The following KLLN variants were observed in gnomAD, a reference collection of about 807,000 sequenced individuals.
KLLN encodes the protein killin.
For missense variants in KLLN, 340 were observed against 241.3 expected, an observed-to-expected ratio of 1.41 and a Z score of -2.71; for synonymous variants, 142 against 102.2, an observed-to-expected ratio of 1.39 and a Z score of -2.35.
chr10:87,862,185 C>T lies in KLLN; in HGVS notation c.303G>A (p.Gln101=), dbSNP rs940596824. ...FARGALAWCR[Q]RNPNPSCAAA... ...CGGCGCAGGAAGGGTTGGGGTTCCGCTGCCTGCACCAGGCAAGAGCACCCC... is the reference window on the plus strand; with the variant it reads ...CGGCGCAGGAAGGGTTGGGGTTCCGTTGCCTGCACCAGGCAAGAGCACCCC... Residue 101 remains glutamine (Q), a synonymous_variant, in exon 1 of 1, where the codon CAG becomes CAA. Transcript: ENST00000445946. 1.3e-6 allele frequency: 2 copies of T among 1,551,228 alleles called. No individual in the cohort carries two copies. The highest frequency in any genetic ancestry group is 1.4e-5 in the African/African-American group (1 of 72,812).
In KLLN at chr10:87,863,518, C is replaced by T. The variant is rs1858333383; in HGVS notation, c.-1031G>A. 5.2e-6 allele frequency: 2 copies of T among 385,234 alleles called. No individual in the cohort carries two copies. Among genetic ancestry groups the T allele is most frequent in the Non-Finnish European group, 9.2e-6 (2 of 217,138 alleles). The allele number at this position is 385,234 out of a possible 1,614,324, so 23.9% of individuals were successfully genotyped here. A position where few individuals can be genotyped will look rare whatever the true frequency, so the allele number is the denominator to read the frequency against. ...CGGTCTTCCGAGGCGCCCGGGCTCC[C>T]GGCGCGGCGGCGGAGGGGGCGGGCA... On this transcript the variant is annotated 5_prime_UTR_variant, in exon 1 of 1. Coordinates refer to ENST00000445946, the MANE Select transcript of KLLN (RefSeq NM_001126049.2).
chr10:87,860,015 C>CAAAAAAAAAAAAAAAAAAAAAAAAAAAA lies in KLLN; in HGVS notation c.*1935_*1936insTTTTTTTTTTTTTTTTTTTTTTTTTTTT, dbSNP rs5786795. On this transcript the variant is annotated 3_prime_UTR_variant, in exon 1 of 1. Transcript: ENST00000445946. ...CACTCCAGCCTGTGAGACTCCGTCT[C>CAAAAAAAAAAAAAAAAAAAAAAAAAAAA]AAAAAAAAAAAAAAAAAAAGAAAAA... is the stretch of plus-strand genomic sequence containing the variant. 2.9e-5 allele frequency: 1 copy of CAAAAAAAAAAAAAAAAAAAAAAAAAAAA among 34,324 alleles called. No homozygotes were observed. Among genetic ancestry groups the CAAAAAAAAAAAAAAAAAAAAAAAAAAAA allele is most frequent in the Non-Finnish European group, 6.6e-5 (1 of 15,186 alleles). 2.1% of individuals were successfully genotyped at this position (34,324 alleles called of 1,614,324 possible). A position where few individuals can be genotyped will look rare whatever the true frequency, so the allele number is the denominator to read the frequency against.
Position 87,862,139 on chromosome 10 carries a change from T to G in KLLN, c.349A>C (p.Thr117Pro). 1.3e-6 allele frequency: 2 copies of G among 1,550,342 alleles called. No individual in the cohort carries two copies. Among genetic ancestry groups the G allele is most frequent in the Non-Finnish European group, 1.7e-6 (2 of 1,146,162 alleles). The change falls in exon 1 of 1, where the codon ACC (threonine) becomes CCC (proline). Residue 117 changes from threonine to proline, a missense_variant. Physicochemically the swap from Thr to Pro is conservative, Grantham distance 38. Coordinates refer to ENST00000445946, the MANE Select transcript of KLLN (RefSeq NM_001126049.2). ...CGACAGCGCTCCTTCGGGAGGCTGG[T>G]CCGAGCCCCTGTTTCCGCCGCGGCG... ...SCAAAETGAR[T>P]SLPKERCRGW...
In KLLN at chr10:87,863,332, G is replaced by A. The variant is rs587782068; in HGVS notation, c.-845C>T. 6 of 295,130 alleles carry A rather than the reference G, an allele frequency of 2.0e-5. No homozygotes were observed. The highest frequency in any genetic ancestry group is 3.3e-5 in the Non-Finnish European group (5 of 150,734). The allele number at this position is 295,130 out of a possible 1,614,324, so 18.3% of individuals were successfully genotyped here. On this transcript the variant is annotated 5_prime_UTR_variant, in exon 1 of 1. Coordinates refer to ENST00000445946, the MANE Select transcript of KLLN (RefSeq NM_001126049.2). ...TGGGAACCGGCCCGAGCAAGCCCCA[G>A]GCAGCTACACTGGGCATGCTCAGTA...
Position 87,863,241 on chromosome 10 carries a change from T to G in KLLN, c.-754A>C. ...TGGGTTTCTGGGCAGAGGCCGAGGC[T>G]TAGCTCGTTATCCTCGCCTCGCGTT... On this transcript the variant is annotated 5_prime_UTR_variant, in exon 1 of 1. Coordinates refer to ENST00000445946, the MANE Select transcript of KLLN (RefSeq NM_001126049.2). 4.8e-6 allele frequency: 1 copy of G among 209,688 alleles called. No individual in the cohort carries two copies. Among genetic ancestry groups the G allele is most frequent in the Non-Finnish European group, 1.1e-5 (1 of 94,534 alleles). 13.0% of individuals were successfully genotyped at this position (209,688 alleles called of 1,614,324 possible).
Position 87,862,604 on chromosome 10 carries a change from C to T in KLLN, c.-117G>A. ...CCCGAGGGGAAAGATGCTCGACTCT[C>T]TTGGGGGCACCGGAGCGGGCGCAGG... On this transcript the variant is annotated 5_prime_UTR_variant, in exon 1 of 1. Coordinates refer to ENST00000445946, the MANE Select transcript of KLLN (RefSeq NM_001126049.2). 1 of 964,314 alleles carries T rather than the reference C, an allele frequency of 1.0e-6. No homozygotes were observed. Among genetic ancestry groups the T allele is most frequent in the Non-Finnish European group, 1.5e-6 (1 of 654,276 alleles). 59.7% of individuals were successfully genotyped at this position (964,314 alleles called of 1,614,324 possible). A position where few individuals can be genotyped will look rare whatever the true frequency, so the allele number is the denominator to read the frequency against.
At position 87,861,111 on chromosome 10, in the gene KLLN, T is replaced by C. The variant is rs777746796; in HGVS notation, c.*840A>G. The C allele has an allele frequency of 3.9e-5, 6 of 152,222 alleles. No individual in the cohort carries two copies. The highest frequency in any genetic ancestry group is 5.9e-5 in the Non-Finnish European group (4 of 68,032). The allele number at this position is 152,222 out of a possible 1,614,324, so 9.4% of individuals were successfully genotyped here. On this transcript the variant is annotated 3_prime_UTR_variant, in exon 1 of 1. Transcript: ENST00000445946. ...AGCTATCTTAAATGCTGTATATAAG[T>C]GCAAAGTTTTATGGAGCCTCAGAGG...
Position 87,862,118 on chromosome 10 carries a change from A to G in KLLN, c.370T>C (p.Cys124Arg). ...CAGTTCCCCAAGCGCCAGCCCCGAC[A>G]GCGCTCCTTCGGGAGGCTGGTCCGA... ...GARTSLPKER[C>R]RGWRLGNWLH... Residue 124 changes from cysteine (C) to arginine (R), a missense_variant, in exon 1 of 1, where the codon TGT becomes CGT. By Grantham distance (180) the Cys-to-Arg change is radical (BLOSUM62 -3). Transcript: ENST00000445946. The G allele has an allele frequency of 6.5e-7, 1 of 1,546,180 alleles. No individual in the cohort carries two copies. The highest frequency in any genetic ancestry group is 1.4e-5 in the African/African-American group (1 of 72,936).
chr10:87,863,439 C>T lies in KLLN; in HGVS notation c.-952G>A, dbSNP rs1027097811. On this transcript the variant is annotated 5_prime_UTR_variant, in exon 1 of 1. Coordinates refer to ENST00000445946, the MANE Select transcript of KLLN (RefSeq NM_001126049.2). Reference sequence around the variant, plus strand: ...CTACCGCCCCCTGCCCTGCCCTGCCCTCCCCTCGCCCGGCGCGGTCCCGTC... The same window carrying T: ...CTACCGCCCCCTGCCCTGCCCTGCCTTCCCCTCGCCCGGCGCGGTCCCGTC... 5 of 374,840 alleles carry T rather than the reference C, an allele frequency of 1.3e-5. No individual in the cohort carries two copies. The highest frequency in any genetic ancestry group is 4.6e-5 in the Admixed American group (1 of 21,792). 23.2% of individuals were successfully genotyped at this position (374,840 alleles called of 1,614,324 possible).
the KLLN span, chr10:87,862,013 C>A: frequency 6.7e-7 from 1 of 1,481,766 alleles, no homozygotes; most frequent in East Asian, 2.5e-5. Flanking sequence ...GGGACTCTCT[C>A]CCCGCGTTCT....
chr10:87,861,932 A>G lies in KLLN; in HGVS notation c.*19T>C. 6.9e-7 allele frequency: 1 copy of G among 1,453,326 alleles called. No individual in the cohort carries two copies. The highest frequency in any genetic ancestry group is 9.1e-7 in the Non-Finnish European group (1 of 1,100,450). 90.0% of individuals were successfully genotyped at this position (1,453,326 alleles called of 1,614,324 possible). On this transcript the variant is annotated 3_prime_UTR_variant, in exon 1 of 1. Coordinates refer to ENST00000445946, the MANE Select transcript of KLLN (RefSeq NM_001126049.2). ...GGCGCAGAATAGGTCGATGTAGAGC[A>G]AGGAGTGAGTCTCAGGTCTCAGTCC... is the stretch of plus-strand genomic sequence containing the variant.
chr10:87,862,338 C>T, the KLLN span: 1 of 1,551,746 alleles, frequency 6.4e-7, no homozygotes, highest in South Asian at 1.2e-5. Flanking sequence ...GTGTATCCTT[C>T]CACCTCCTTT....
rs547925835 is a variant in KLLN at position 87,862,242 on chromosome 10, G to C, written c.246C>G (p.Ser82Arg). ...AGGAAGAAGACGACTTGCCTCCGGA[G>C]CTATCACTGGGGAGTGGGAATTTGG... Reference protein sequence around the residue: ...ELSKFPLPSDSSGGKSSSSFA... With the variant: ...ELSKFPLPSDRSGGKSSSSFA... The change falls in exon 1 of 1, where the codon AGC (serine) becomes AGG (arginine). Residue 82 changes from serine to arginine, a missense_variant. Physicochemically the swap from Ser to Arg is moderately radical, Grantham distance 110. Coordinates refer to ENST00000445946, the MANE Select transcript of KLLN (RefSeq NM_001126049.2). 1.9e-6 allele frequency: 3 copies of C among 1,551,736 alleles called. No homozygotes were observed. The highest frequency in any genetic ancestry group is 8.7e-7 in the Non-Finnish European group (1 of 1,147,004).
rs1484565201 is a variant in KLLN, at chr10:87,861,867, G to A, written c.*84C>T. ...CAGGGCATCAGCGATGGAGAGGCCC[G>A]AGAGCCCTAGCGCCCAGCTCCTTTT... is the stretch of plus-strand genomic sequence containing the variant. On this transcript the variant is annotated 3_prime_UTR_variant, in exon 1 of 1. Transcript: ENST00000445946. The A allele has an allele frequency of 1.7e-5, 22 of 1,331,992 alleles. No individual in the cohort carries two copies. Among genetic ancestry groups the A allele is most frequent in the Non-Finnish European group, 2.2e-5 (22 of 997,816 alleles). 82.5% of individuals were successfully genotyped at this position (1,331,992 alleles called of 1,614,324 possible).
chr10:87,861,641 G>C lies in KLLN; in HGVS notation c.*310C>G. ...CCCAATCGGGGCTGTAAACAGACTT[G>C]ACAGGTTTGTTCTGGGCTGACGGCC... On this transcript the variant is annotated 3_prime_UTR_variant, in exon 1 of 1. Transcript: ENST00000445946. The C allele has an allele frequency of 3.3e-6, 1 of 304,096 alleles. No homozygotes were observed. The highest frequency in any genetic ancestry group is 6.1e-6 in the Non-Finnish European group (1 of 164,162). 18.8% of individuals were successfully genotyped at this position (304,096 alleles called of 1,614,324 possible). A position where few individuals can be genotyped will look rare whatever the true frequency, so the allele number is the denominator to read the frequency against.
chr10:87,862,659 G>A lies in KLLN; in HGVS notation c.-172C>T, dbSNP rs1858299479. 2 of 625,234 alleles carry A rather than the reference G, an allele frequency of 3.2e-6. No homozygotes were observed. The highest frequency in any genetic ancestry group is 5.8e-6 in the Non-Finnish European group (2 of 347,592). The allele number at this position is 625,234 out of a possible 1,614,324, so 38.7% of individuals were successfully genotyped here. On this transcript the variant is annotated 5_prime_UTR_variant, in exon 1 of 1. Transcript: ENST00000445946. ...GCCTGCGGGGTGCGTCCCACTCACAGGGATCCTCTTTCAGTTCATTTAGAT... is the reference window on the plus strand; with the variant it reads ...GCCTGCGGGGTGCGTCCCACTCACAAGGATCCTCTTTCAGTTCATTTAGAT...
In KLLN at chr10:87,862,319, C is replaced by G; in HGVS notation, c.169G>C (p.Val57Leu). Reference sequence around the variant, plus strand: ...GACCTCCTTCGGAAAGTAGTTCCGACTGTGGCCCGTGTATCCTTCCACCTC... The same window carrying G: ...GACCTCCTTCGGAAAGTAGTTCCGAGTGTGGCCCGTGTATCCTTCCACCTC... ...KRRWKDTRATVGTTFRRRSRV... is the reference protein window; with the variant it reads ...KRRWKDTRATLGTTFRRRSRV... Residue 57 changes from valine (V) to leucine (L), a missense_variant, in exon 1 of 1, where the codon GTC becomes CTC. Coordinates refer to ENST00000445946, the MANE Select transcript of KLLN (RefSeq NM_001126049.2). The G allele has an allele frequency of 6.4e-7, 1 of 1,551,762 alleles. No individual in the cohort carries two copies. Among genetic ancestry groups the G allele is most frequent in the Non-Finnish European group, 8.7e-7 (1 of 1,146,988 alleles).
At chr10:87,862,097 TC>T in the KLLN span, 1 of 1,535,534 alleles carries the variant, frequency 6.5e-7, no homozygotes, top group Non-Finnish European at 8.8e-7. Flanking sequence ...TGTAACCAGT[TC>T]CCCAAGCGCC....
At position 87,862,364 on chromosome 10, in the gene KLLN, C is replaced by T. The variant is rs1858283496; in HGVS notation, c.124G>A (p.Asp42Asn). 1.9e-6 allele frequency: 3 copies of T among 1,551,530 alleles called. No individual in the cohort carries two copies. The highest frequency in any genetic ancestry group is 2.6e-6 in the Non-Finnish European group (3 of 1,146,990). Residue 42 changes from aspartate to asparagine, a missense_variant, in exon 1 of 1, where the codon GAC becomes AAC. Physicochemically the swap from Asp to Asn is conservative, Grantham distance 23 (BLOSUM62 1). Transcript: ENST00000445946. ...LQPSEWAGRG[D>N]LGGFKRRWKD... ...CACCTCCTTTTGAACCCTCCTAGGT[C>T]TCCTCGCCCCGCCCACTCGCTGGGC... is the stretch of plus-strand genomic sequence containing the variant.
Sources: gnomAD v4.1 joint callset for allele counts on GRCh38, gnomAD v4.1.1 for gene constraint, MANE v1.5 for transcripts, NCBI Gene and HGNC (gene_info 2026-07-23, HGNC 2026-07-21) for gene names.